Variants in CDK12 observed in about 807,000 individuals in gnomAD.
CDK12 encodes cyclin dependent kinase 12.
CDK12 carries 17 observed loss-of-function variants against 133.8 expected under a neutral mutation model. That is an observed-to-expected ratio of 0.13 (90% CI 0.09 to 0.19). The LOEUF is 0.19. Ranked by LOEUF, CDK12 falls within the 10% of genes least tolerant of loss-of-function variation. The pLI is 1.00. For synonymous variants in CDK12, 694 were observed against 683.6 expected (o/e 1.02, Z -0.24); for missense variants, 1,508 against 1,818.7 (o/e 0.83, Z 3.11).
rs1025569325 is a variant in CDK12, at chr17:39,462,001, G to C, written c.-71G>C. 1.6e-5 allele frequency: 20 copies of C among 1,264,912 alleles called. No homozygotes were observed. Among genetic ancestry groups the C allele is most frequent in the Non-Finnish European group, 2.2e-5 (20 of 912,452 alleles). 78.4% of individuals were successfully genotyped at this position (1,264,912 alleles called of 1,614,324 possible). A position where few individuals can be genotyped will look rare whatever the true frequency, so the allele number is the denominator to read the frequency against. On this transcript the variant is annotated 5_prime_UTR_variant, in exon 1 of 14. Transcript: ENST00000447079. ...TTGGTGGGCGTGGAGTTGGGGTTGG[G>C]GGGGTGGGTGGGGGTTGCTTTTTGG...
At chr17:39,497,359 C>G (rs1446008375) in intron 5 of CDK12, among the ~76,000 whole-genome samples, 1 of 152,072 alleles carries the variant, frequency 6.6e-6, no homozygotes, top group Non-Finnish European at 1.5e-5. Flanking sequence ...GCCTGGCCAA[C>G]ATGGTGAAAC....
intron 2 of CDK12, among the ~76,000 whole-genome samples, chr17:39,486,852 C>CA (rs1482206130): frequency 6.6e-6 from 1 of 151,832 alleles, no homozygotes; most frequent in Admixed American, 6.6e-5. Flanking sequence ...ACTAAAAATA[C>CA]AAAAAACTAG....
intron 1 of CDK12, among the ~76,000 whole-genome samples, chr17:39,540,979 CTG>C (rs1054323675): frequency 7.9e-5 from 12 of 152,240 alleles, no homozygotes; most frequent in African/African-American, 1.7e-4. Context: ...TCCTGTCTCA[CTG>C]TGTCTTCCTT....
chr17:39,488,801 A>G (rs2051338760), intron 2 of CDK12, among the ~76,000 whole-genome samples: 1 of 151,888 alleles, frequency 6.6e-6, no homozygotes, highest in South Asian at 2.1e-4. Flanking sequence ...CCCAGGGTGG[A>G]GTGCAATGGC....
At chr17:39,549,991 TCTC>T (rs2055885130), upstream of CDK12, 7 of 148,578 alleles carry the variant, frequency 4.7e-5, no homozygotes, top group East Asian at 1.9e-4. Flanking sequence ...TCATGCTTTC[TCTC>T]TCTCTCTCTC....
intron 2 of CDK12, among the ~76,000 whole-genome samples, chr17:39,475,126 C>G (rs2050096894): frequency 6.6e-6 from 1 of 152,052 alleles, no homozygotes; most frequent in African/African-American, 2.4e-5. Flanking sequence ...TGAGCCACTG[C>G]ACCCAACCCA....
At chr17:39,516,961 C>T (rs555422215) in intron 9 of CDK12, among the ~76,000 whole-genome samples, 42 of 152,234 alleles carry the variant, frequency 2.8e-4, no homozygotes, top group African/African-American at 1.0e-3. Context: ...CCGTGCCCGG[C>T]CAATGTAGAC....
At chr17:39,472,401 C>T (rs985820192) in intron 2 of CDK12, among the ~76,000 whole-genome samples, 5 of 152,074 alleles carry the variant, frequency 3.3e-5, no homozygotes, top group African/African-American at 1.2e-4. Flanking sequence ...AGGCTGTATG[C>T]AGTGACTCAT....
intron 13 of CDK12, among the ~76,000 whole-genome samples, chr17:39,528,946 A>G (rs926524605): frequency 6.6e-6 from 1 of 152,202 alleles, no homozygotes; most frequent in Non-Finnish European, 1.5e-5. Context: ...GAAATCTATC[A>G]TTACTTGTAG....
At chr17:39,488,327 T>A (rs558277888) in intron 2 of CDK12, among the ~76,000 whole-genome samples, 86 of 152,270 alleles carry the variant, frequency 5.6e-4, no homozygotes, top group Non-Finnish European at 1.2e-3. Flanking sequence ...ATTTACTGAT[T>A]ACTGGGAGAG....
chr17:39,498,872 TCTC>T, intron 5 of CDK12, among the ~76,000 whole-genome samples: 1 of 2,904 alleles, frequency 3.4e-4, no homozygotes, highest in East Asian at 0.12. Context: ...ACTATGATTT[TCTC>T]TTTCTTTCTT....
At position 39,520,179 on chromosome 17, in the gene CDK12, A is replaced by G; in HGVS notation, c.3095+92A>G. 3 of 1,362,932 alleles carry G rather than the reference A, an allele frequency of 2.2e-6. No homozygotes were observed. The South Asian group carries it at 3.9e-5, about 18-fold the overall frequency. 84.4% of individuals were successfully genotyped at this position (1,362,932 alleles called of 1,614,324 possible). On this transcript the variant is annotated intron_variant, in intron 11 of 13. Coordinates refer to ENST00000447079, the MANE Select transcript of CDK12 (RefSeq NM_016507.4). The stretch of plus-strand genomic sequence containing the variant: ...AAAAGAACCACAGATGCCCAGTAAG[A>G]CCCAAATGAAGAGGTGTCTTTGAGT...
chr17:39,494,464 G>C, intron 4 of CDK12, 60 bp from the exon 5 acceptor site: 2 of 1,434,410 alleles, frequency 1.4e-6, no homozygotes, highest in East Asian at 2.3e-5. Context: ...ATATATTGCT[G>C]GTTCACAATA....
At chr17:39,475,685 AC>A (rs2050140414) in intron 2 of CDK12, among the ~76,000 whole-genome samples, 1 of 150,376 alleles carries the variant, frequency 6.6e-6, no homozygotes, top group Admixed American at 6.7e-5. Flanking sequence ...GGCTAGGATT[AC>A]AGGTGCCTGC....
intron 1 of CDK12, among the ~76,000 whole-genome samples, chr17:39,470,346 C>T (rs1178637116): frequency 1.3e-5 from 2 of 152,056 alleles, no homozygotes; most frequent in Admixed American, 6.6e-5. Context: ...TGGTCTCGAT[C>T]TGCTGACCTG....
At chr17:39,465,091 A>G (rs2049201226) in intron 1 of CDK12, among the ~76,000 whole-genome samples, 1 of 151,956 alleles carries the variant, frequency 6.6e-6, no homozygotes, top group Admixed American at 6.6e-5. Flanking sequence ...ATAAAAATAT[A>G]AAAAATTAGT....
At chr17:39,526,442 A>T in intron 13 of CDK12, 126 bp downstream of exon 13, 1 of 683,872 alleles carries the variant, frequency 1.5e-6, no homozygotes, top group Non-Finnish European at 2.4e-6. Flanking sequence ...CCTAGTCTAC[A>T]GGAGAACATA....
intron 8 of CDK12, among the ~76,000 whole-genome samples, chr17:39,511,853 A>T (rs2053525215): frequency 6.6e-6 from 1 of 152,040 alleles, no homozygotes; most frequent in Admixed American, 6.6e-5. Flanking sequence ...CTTTGTTTGA[A>T]TTGAGATCCA....
rs776072090 is a variant in CDK12, at chr17:39,462,130, C to T, written c.59C>T (p.Thr20Ile). ...KKDGSGGASG[T>I]LQPSSGGGSS... ...GACGGGAGTGGAGGAGCTTCTGGAA[C>T]TTTGCAGCCGTCATCGGGAGGCGGC... Residue 20 changes from threonine to isoleucine, a missense_variant, in exon 1 of 14, where the codon ACT becomes ATT. Around this residue, in one of 9 missense-constraint regions of CDK12, gnomAD observed 460 missense variants for 490.8 expected, o/e 0.94. Coordinates refer to ENST00000447079, the MANE Select transcript of CDK12 (RefSeq NM_016507.4). 7.4e-6 allele frequency: 12 copies of T among 1,614,052 alleles called. No individual in the cohort carries two copies. Among genetic ancestry groups the T allele is most frequent in the Non-Finnish European group, 1.7e-6 (2 of 1,180,014 alleles).
Sources: allele counts gnomAD v4.1 joint callset (sites outside exome capture counted in the v4.1 genomes callset), GRCh38; gene constraint gnomAD v4.1.1; regional missense constraint gnomAD v4.1.1; transcripts MANE v1.5; gene names NCBI Gene and HGNC (gene_info 2026-07-23, HGNC 2026-07-21).